The following AGBL1 variants were observed in gnomAD, a reference collection of about 807,000 sequenced individuals.
AGBL1 encodes AGBL carboxypeptidase 1, also known as cytosolic carboxypeptidase 4.
Under a neutral mutation model 118.9 loss-of-function variants are expected in AGBL1, and 130 were observed. The ratio of observed to expected loss-of-function variants is 1.09; its 90% confidence interval spans 0.95 to 1.26. The LOEUF (loss-of-function observed/expected upper bound fraction) is 1.26. AGBL1 is among the 50% of genes most tolerant of loss of function. The probability of loss-of-function intolerance (pLI) is 0.00; values close to 1 mark genes in which losing one functional copy is unlikely to be tolerated. For synonymous variants in AGBL1, 555 were observed against 478.9 expected, an observed-to-expected ratio of 1.16 and a Z score of -2.08; for missense variants, 1,584 against 1,298.1, an observed-to-expected ratio of 1.22 and a Z score of -3.38.
chr15:86,308,420 G>GA (rs1467486250), intron 17 of AGBL1, among the ~76,000 whole-genome samples: 2 of 152,174 alleles, frequency 1.3e-5, no homozygotes, highest in African/African-American at 4.8e-5. Flanking sequence ...TACAAGCCAG[G>GA]AAGAGAGCCC....
intron 21 of AGBL1, among the ~76,000 whole-genome samples, chr15:86,666,045 G>T (rs928654121): frequency 3.3e-5 from 5 of 151,980 alleles, no homozygotes; most frequent in Non-Finnish European, 5.9e-5. Flanking sequence ...TTTATTCTGG[G>T]ATATTCTTGC....
At chr15:86,332,447 C>T (rs1215867576) in intron 17 of AGBL1, among the ~76,000 whole-genome samples, 1 of 151,942 alleles carries the variant, frequency 6.6e-6, no homozygotes, top group East Asian at 1.9e-4. Flanking sequence ...GAGATCGAGA[C>T]CATCCTGGCT....
At chr15:86,820,536 T>G (rs569973053) in intron 22 of AGBL1, among the ~76,000 whole-genome samples, 4 of 152,150 alleles carry the variant, frequency 2.6e-5, no homozygotes, top group Non-Finnish European at 4.4e-5. Context: ...AACAAACACT[T>G]CTCAAAGGAA....
chr15:86,112,351 T>C (rs1322252370), intron 1 of AGBL1, among the ~76,000 whole-genome samples: 2 of 152,168 alleles, frequency 1.3e-5, no homozygotes, highest in East Asian at 3.8e-4. Context: ...TTTATATGCA[T>C]GTTTAAACAA....
At chr15:86,207,737 A>G (rs544780473) in intron 5 of AGBL1, among the ~76,000 whole-genome samples, 4 of 152,350 alleles carry the variant, frequency 2.6e-5, no homozygotes, top group African/African-American at 9.6e-5. Context: ...TTTTCTAAAT[A>G]TACAATTGTG....
At chr15:86,470,471 G>T (rs1223818122) in intron 18 of AGBL1, among the ~76,000 whole-genome samples, 1 of 152,076 alleles carries the variant, frequency 6.6e-6, no homozygotes, top group Middle Eastern at 3.4e-3. Flanking sequence ...ATTTCTACAA[G>T]TTCGTGGTAT....
intron 22 of AGBL1, among the ~76,000 whole-genome samples, chr15:86,698,625 T>TTAA (rs746434101): frequency 1.3e-5 from 2 of 150,636 alleles, no homozygotes; most frequent in East Asian, 2.0e-4. Context: ...TTTTTTTTTT[T>TTAA]AAAAAGAGAC....
chr15:86,883,935 T>C (rs939670796), intron 22 of AGBL1, among the ~76,000 whole-genome samples: 3 of 152,178 alleles, frequency 2.0e-5, no homozygotes, highest in African/African-American at 7.2e-5. Flanking sequence ...GGATAAGTTC[T>C]ACGACCCCCC....
chr15:86,933,303 T>C (rs1472108313), intron 23 of AGBL1, among the ~76,000 whole-genome samples: 1 of 152,150 alleles, frequency 6.6e-6, no homozygotes, highest in Non-Finnish European at 1.5e-5. Flanking sequence ...AGGATGATAA[T>C]AGTCCCTCCC....
chr15:86,997,935 ACT>A (rs1226881080), intron 24 of AGBL1, among the ~76,000 whole-genome samples: 2 of 122,610 alleles, frequency 1.6e-5, no homozygotes, highest in Non-Finnish European at 3.5e-5. Flanking sequence ...ACACACACAC[ACT>A]TTGCCTATTT....
chr15:86,380,415 G>T (rs1381694271), intron 17 of AGBL1, among the ~76,000 whole-genome samples: 1 of 151,288 alleles, frequency 6.6e-6, no homozygotes, highest in Non-Finnish European at 1.5e-5. Context: ...CTCCTGAGTA[G>T]CTGGGATTAC....
intron 16 of AGBL1, 81 bp downstream of exon 16, chr15:86,279,864 G>C (rs1471798252): frequency 5.2e-6 from 8 of 1,529,200 alleles, no homozygotes; most frequent in Non-Finnish European, 2.7e-6. Context: ...TGGAGACCCT[G>C]ACATCCTGAT....
intron 22 of AGBL1, among the ~76,000 whole-genome samples, chr15:86,853,583 G>A (rs74027138): frequency 3.2e-4 from 49 of 152,238 alleles, no homozygotes; most frequent in Non-Finnish European, 6.0e-4. Flanking sequence ...ACCAAAGCCC[G>A]GGCTCTACTT....
At chr15:87,010,390 G>T (rs1027295775) in intron 24 of AGBL1, among the ~76,000 whole-genome samples, 2 of 152,128 alleles carry the variant, frequency 1.3e-5, no homozygotes, top group Non-Finnish European at 2.9e-5. Context: ...TCTCTCTTTT[G>T]TGAATGGCCC....
At chr15:86,886,916 C>A (rs2079978725) in intron 22 of AGBL1, among the ~76,000 whole-genome samples, 1 of 152,266 alleles carries the variant, frequency 6.6e-6, no homozygotes, top group African/African-American at 2.4e-5. Flanking sequence ...AAGCTCCTTT[C>A]TCTCGCCAAG....
At chr15:86,981,228 A>G (rs1228895819) in intron 23 of AGBL1, among the ~76,000 whole-genome samples, 1 of 152,156 alleles carries the variant, frequency 6.6e-6, no homozygotes. Context: ...ATATTCTACA[A>G]TATTAATTAT....
intron 5 of AGBL1, among the ~76,000 whole-genome samples, chr15:86,164,507 G>T (rs1275892883): frequency 6.6e-6 from 1 of 152,148 alleles, no homozygotes. Flanking sequence ...CTGTCCCTTT[G>T]TGCCGTCATT....
At chr15:86,869,787 C>G (rs775061269) in intron 22 of AGBL1, among the ~76,000 whole-genome samples, 6 of 152,172 alleles carry the variant, frequency 3.9e-5, no homozygotes, top group African/African-American at 7.2e-5. Context: ...CTTCACATAC[C>G]TTATCCCAAG....
intron 22 of AGBL1, among the ~76,000 whole-genome samples, chr15:86,825,353 T>G: frequency 2.7e-5 from 1 of 36,728 alleles, no homozygotes; most frequent in Middle Eastern, 0.018. Context: ...TGTAAAAGAC[T>G]CAAAAAGGAG....
Sources: allele counts gnomAD v4.1 joint callset (sites outside exome capture counted in the v4.1 genomes callset), GRCh38; gene constraint gnomAD v4.1.1; transcripts MANE v1.5; gene names NCBI Gene and HGNC (gene_info 2026-07-23, HGNC 2026-07-21).